RELN: variants seen among roughly 807,000 people sequenced by gnomAD.
RELN encodes the protein reelin.
A neutral mutation model predicts 427.6 loss-of-function variants in RELN; 108 were observed. The observed-to-expected ratio is 0.25, with a 90% CI of 0.22 to 0.30. The LOEUF (loss-of-function observed/expected upper bound fraction) is 0.30, where lower values mean the gene tolerates loss of function less well. RELN is among the 10% of genes least tolerant of loss of function. The probability of loss-of-function intolerance (pLI) is 1.00; values close to 1 mark genes in which losing one functional copy is unlikely to be tolerated. For synonymous variants in RELN, 1,524 were observed against 1,513.4 expected (o/e 1.01, Z -0.16); for missense variants, 3,715 against 4,302.8 (o/e 0.86, Z 3.82).
At chr7:103,922,478 A>C (rs1416453850) in intron 1 of RELN, among the ~76,000 whole-genome samples, 4 of 152,194 alleles carry the variant, frequency 2.6e-5, no homozygotes, top group Non-Finnish European at 5.9e-5. Flanking sequence ...CAAAAGGCTG[A>C]GCAGGTTACA....
chr7:103,516,411 G>T (rs140955089), intron 49 of RELN, among the ~76,000 whole-genome samples: 1 of 151,222 alleles, frequency 6.6e-6, no homozygotes, highest in African/African-American at 2.4e-5. Flanking sequence ...TCAGCCTCCC[G>T]AGTAGCTGGG....
At chr7:103,842,100 C>T (rs1026851717) in intron 2 of RELN, among the ~76,000 whole-genome samples, 14 of 151,958 alleles carry the variant, frequency 9.2e-5, no homozygotes, top group East Asian at 3.9e-4. Flanking sequence ...AAGCTTGGTA[C>T]GATATTTTTT....
intron 2 of RELN, among the ~76,000 whole-genome samples, chr7:103,909,319 C>A (rs41434053): frequency 7.3e-5 from 11 of 151,690 alleles, no homozygotes; most frequent in Non-Finnish European, 1.2e-4. Context: ...AGTTAGCATA[C>A]AGGCCCTGCA....
intron 11 of RELN, among the ~76,000 whole-genome samples, chr7:103,665,360 GTGTATATATATA>G (rs1025400395): frequency 7.0e-5 from 10 of 142,132 alleles, no homozygotes; most frequent in African/African-American, 2.4e-4. Context: ...GTGTGTGTGT[GTGTATATATATA>G]TATATATATA....
chr7:103,484,187 C>A (rs568478472), intron 61 of RELN: 179 of 299,302 alleles, frequency 6.0e-4, no homozygotes, highest in South Asian at 2.3e-3. Flanking sequence ...GCTGGGAAAT[C>A]ATCTTTATAC....
intron 2 of RELN, among the ~76,000 whole-genome samples, chr7:103,888,728 C>A (rs1035522146): frequency 2.0e-5 from 3 of 152,138 alleles, no homozygotes; most frequent in Admixed American, 6.5e-5. Flanking sequence ...AGTGTATTCT[C>A]CTAACAGACA....
chr7:103,540,526 A>C, intron 43 of RELN, 71 bp from the exon 44 acceptor site: 1 of 1,471,950 alleles, frequency 6.8e-7, no homozygotes, highest in Non-Finnish European at 9.4e-7. Flanking sequence ...ACAGACAAGC[A>C]CATGGGGTAA....
chr7:103,928,061 A>G (rs1216538794), intron 1 of RELN, among the ~76,000 whole-genome samples: 5 of 152,184 alleles, frequency 3.3e-5, no homozygotes, highest in Non-Finnish European at 7.3e-5. Flanking sequence ...GTGACATGGC[A>G]TAGAAAACCA....
chr7:103,922,910 C>T (rs1795647689), intron 1 of RELN, among the ~76,000 whole-genome samples: 1 of 151,864 alleles, frequency 6.6e-6, no homozygotes, highest in South Asian at 2.1e-4. Flanking sequence ...TTAAGTAATA[C>T]TCGAAATGAT....
chr7:103,693,342 CG>C (rs1311440107), intron 10 of RELN, among the ~76,000 whole-genome samples: 2 of 44,640 alleles, frequency 4.5e-5, no homozygotes, highest in African/African-American at 8.8e-5. Flanking sequence ...TGGGGCCTGT[CG>C]GGGGGTTGGG....
chr7:103,761,781 A>G (rs75764174), intron 4 of RELN, among the ~76,000 whole-genome samples: 2,526 of 152,300 alleles, frequency 0.017, 80 homozygotes, highest in African/African-American at 0.056. Context: ...AAAAATTGTT[A>G]CTGTGTAGCA....
intron 2 of RELN, among the ~76,000 whole-genome samples, chr7:103,853,389 A>G (rs978529654): frequency 6.6e-6 from 1 of 152,032 alleles, no homozygotes; most frequent in Non-Finnish European, 1.5e-5. Flanking sequence ...ACCCTTCAAT[A>G]TTGCTTTTTC....
At chr7:103,863,367 C>G (rs2116500968) in intron 2 of RELN, among the ~76,000 whole-genome samples, 1 of 152,234 alleles carries the variant, frequency 6.6e-6, no homozygotes, top group East Asian at 1.9e-4. Context: ...CCACCTTTTA[C>G]AGGTAAGGAA....
In RELN at chr7:103,929,180, A is replaced by C. The variant is rs1355426552; in HGVS notation, c.227-11995T>G. On this transcript the variant is annotated intron_variant, in intron 1 of 64. Coordinates refer to ENST00000428762, the MANE Select transcript of RELN (RefSeq NM_005045.4). ...TGGTTGCTGTTGGAGTCTTTATTGC[A>C]GTACTTATCTGATCCATGAAACTGA... 3.4e-5 allele frequency among the ~76,000 whole-genome samples: 3 copies of C among 88,230 alleles called. No homozygotes were observed. The South Asian group carries it at 1.0e-3, about 30-fold the overall frequency. 57.9% of individuals were successfully genotyped at this position (88,230 alleles called of 152,430 possible).
At chr7:103,635,628 T>C (rs547935894) in intron 18 of RELN, 42 bp from the exon 19 acceptor site, 1 of 1,529,300 alleles carries the variant, frequency 6.5e-7, no homozygotes, top group East Asian at 2.2e-5. Context: ...CATAAACATT[T>C]TTAATCATAA....
At chr7:103,794,339 A>G (rs576207658) in intron 3 of RELN, among the ~76,000 whole-genome samples, 1 of 152,264 alleles carries the variant, frequency 6.6e-6, no homozygotes, top group South Asian at 2.1e-4. Context: ...GACAGATTTC[A>G]TGCTTCCTCT....
chr7:103,834,822 C>T (rs766514150), intron 2 of RELN, among the ~76,000 whole-genome samples: 1 of 152,180 alleles, frequency 6.6e-6, no homozygotes, highest in Admixed American at 6.6e-5. Context: ...GGATGCAGAG[C>T]AAAAGAAACT....
Position 103,556,267 on chromosome 7 carries a change from T to C in RELN, c.5797+710A>G, listed in dbSNP as rs188992807. On this transcript the variant is annotated intron_variant, in intron 38 of 64. Transcript: ENST00000428762. ...TGAAACGCCACACTCAGAAGAACTA[T>C]GTATTCCCAAATAAATGCAACAAAA... Among the ~76,000 whole-genome samples the C allele has an allele frequency of 8.5e-5, 13 of 152,250 alleles. No individual in the cohort carries two copies. In the East Asian group the frequency reaches 2.5e-3, roughly 29 times the overall value.
At chr7:103,610,864 T>C in intron 21 of RELN, 57 bp from the exon 22 acceptor site, 3 of 921,652 alleles carry the variant, frequency 3.3e-6, no homozygotes, top group Non-Finnish European at 5.5e-6. Flanking sequence ...AGGTGAAATA[T>C]GTCTACTCAC....
Sources: gnomAD v4.1 joint callset for allele counts (sites outside exome capture counted in the v4.1 genomes callset) on GRCh38, gnomAD v4.1.1 for gene constraint, MANE v1.5 for transcripts, NCBI Gene and HGNC (gene_info 2026-07-23, HGNC 2026-07-21) for gene names.